Variants in DNAH11 observed in about 807,000 individuals in gnomAD.
DNAH11 encodes the protein dynein axonemal heavy chain 11, also known as axonemal beta dynein heavy chain 11.
A neutral mutation model predicts 526.0 loss-of-function variants in DNAH11; 442 were observed. The ratio of observed to expected loss-of-function variants is 0.84; its 90% CI spans 0.78 to 0.91. The LOEUF is 0.91. Ranked by LOEUF, DNAH11 falls within the 40% of genes least tolerant of loss-of-function variation. The probability of loss-of-function intolerance (pLI) is 0.00; values close to 1 mark genes in which losing one functional copy is unlikely to be tolerated. For missense variants in DNAH11, 6,989 were observed against 5,448.7 expected (o/e 1.28, Z -8.90); for synonymous variants, 2,461 against 1,935.9 (o/e 1.27, Z -7.12).
chr7:21,673,833 T>A (rs1782741618), intron 30 of DNAH11, among the ~76,000 whole-genome samples: 1 of 152,198 alleles, frequency 6.6e-6, no homozygotes, highest in Admixed American at 6.5e-5. Context: ...ACCACTTGAT[T>A]GAGTCTATTT....
intron 30 of DNAH11, among the ~76,000 whole-genome samples, chr7:21,666,154 G>C (rs896484132): frequency 3.9e-5 from 6 of 152,058 alleles, no homozygotes; most frequent in Admixed American, 3.9e-4. Context: ...AATAAACCAA[G>C]GTAATAATTT....
At chr7:21,775,905 A>T (rs537729541) in intron 56 of DNAH11, among the ~76,000 whole-genome samples, 1 of 152,168 alleles carries the variant, frequency 6.6e-6, no homozygotes, top group Non-Finnish European at 1.5e-5. Context: ...TTGTCACCCA[A>T]ACTGAGCTTT....
chr7:21,597,027 T>C (rs1292873690), intron 14 of DNAH11, among the ~76,000 whole-genome samples: 1 of 152,222 alleles, frequency 6.6e-6, no homozygotes, highest in Admixed American at 6.5e-5. Context: ...GAGTCAGTTC[T>C]GCCTTTTGCA....
chr7:21,608,907 T>C, intron 20 of DNAH11, among the ~76,000 whole-genome samples: 1 of 152,210 alleles, frequency 6.6e-6, no homozygotes, highest in Non-Finnish European at 1.5e-5. Flanking sequence ...CTTGAAGTCA[T>C]GTTCTTGGTG....
chr7:21,894,483 G>T (rs1024021742), intron 77 of DNAH11, 140 bp from the exon 78 acceptor site: 1 of 813,088 alleles, frequency 1.2e-6, no homozygotes, highest in South Asian at 1.9e-5. Flanking sequence ...GGGAGCCGTA[G>T]GCATCCTTCA....
chr7:21,788,663 A>G (rs756499782), intron 60 of DNAH11, among the ~76,000 whole-genome samples: 3 of 152,174 alleles, frequency 2.0e-5, no homozygotes, highest in Admixed American at 1.3e-4. Flanking sequence ...AACTTAGACA[A>G]GAAAGTGACA....
In DNAH11 at chr7:21,591,585, C is replaced by CT; in HGVS notation, c.2667+12dup. 6.6e-7 allele frequency: 1 copy of CT among 1,517,726 alleles called. No individual in the cohort carries two copies. The highest frequency in any genetic ancestry group is 1.4e-5 in the South Asian group (1 of 72,896). The allele number at this position is 1,517,726 out of a possible 1,614,324, so 94.0% of individuals were successfully genotyped here. On this transcript the variant is annotated intron_variant, in intron 14 of 81. Coordinates refer to ENST00000409508, the MANE Select transcript of DNAH11 (RefSeq NM_001277115.2). Reference sequence around the variant, plus strand: ...ATCCACAACTTGGTCGAGGTAATGGCTTTTAACCTTTCAAGATTTATAGAT... The same window carrying CT: ...ATCCACAACTTGGTCGAGGTAATGGCTTTTTAACCTTTCAAGATTTATAGAT...
chr7:21,792,975 G>A (rs548033896), intron 61 of DNAH11, among the ~76,000 whole-genome samples: 2 of 152,112 alleles, frequency 1.3e-5, no homozygotes, highest in South Asian at 4.2e-4. Flanking sequence ...TTTGTTATTT[G>A]AATGTTGTTT....
chr7:21,767,090 G>A (rs1277597740), intron 55 of DNAH11, among the ~76,000 whole-genome samples: 4 of 152,068 alleles, frequency 2.6e-5, no homozygotes, highest in Non-Finnish European at 4.4e-5. Flanking sequence ...CACAAATTTC[G>A]TATGTGATTG....
At chr7:21,753,021 C>T (rs751848063) in intron 54 of DNAH11, among the ~76,000 whole-genome samples, 10 of 152,076 alleles carry the variant, frequency 6.6e-5, no homozygotes, top group South Asian at 2.1e-4. Flanking sequence ...TAGAAGCAGT[C>T]GGAACTCAAA....
chr7:21,892,395 G>C, intron 76 of DNAH11, 30 bp from the exon 77 acceptor site: 1 of 1,586,538 alleles, frequency 6.3e-7, no homozygotes. Context: ...CCTACATTTG[G>C]AATAACTGAC....
At chr7:21,869,166 C>T (rs907689187) in intron 73 of DNAH11, among the ~76,000 whole-genome samples, 175 bp downstream of exon 73, 1 of 152,204 alleles carries the variant, frequency 6.6e-6, no homozygotes, top group Non-Finnish European at 1.5e-5. Flanking sequence ...GCTCTGCGGA[C>T]AGCGATGGCT....
chr7:21,866,656 G>A lies in DNAH11; in HGVS notation c.11683G>A (p.Ala3895Thr), dbSNP rs1203128467. Residue 3895 changes from alanine to threonine, a missense_variant, in exon 71 of 82, where the codon GCT becomes ACT. Coordinates refer to ENST00000409508, the MANE Select transcript of DNAH11 (RefSeq NM_001277115.2). ...AATGCGCCCTGACAGAATGACGTAT[G>A]CTCTCAGGTGGGGTGGTCAGCATTT... is the stretch of plus-strand genomic sequence containing the variant. Reference protein sequence around the residue: ...RAMRPDRMTYALRNFVEEKLG... With the variant: ...RAMRPDRMTYTLRNFVEEKLG... 1.2e-5 allele frequency: 19 copies of A among 1,610,584 alleles called. No individual in the cohort carries two copies. The highest frequency in any genetic ancestry group is 1.5e-5 in the Non-Finnish European group (18 of 1,178,358).
intron 23 of DNAH11, among the ~76,000 whole-genome samples, 190 bp from the exon 24 acceptor site, chr7:21,618,910 G>A (rs185045823): frequency 3.3e-4 from 50 of 152,258 alleles, no homozygotes; most frequent in Admixed American, 2.2e-3. Flanking sequence ...CCTTGCTTCC[G>A]GCAGGTGACG....
At chr7:21,690,348 A>G (rs1033253268) in intron 34 of DNAH11, among the ~76,000 whole-genome samples, 2 of 152,038 alleles carry the variant, frequency 1.3e-5, no homozygotes, top group Non-Finnish European at 2.9e-5. Flanking sequence ...GAAGAAATAG[A>G]CAAAACTTAA....
Position 21,588,483 on chromosome 7 carries a change from T to C in DNAH11, c.1849-29T>C, listed in dbSNP as rs377675951. The C allele has an allele frequency of 1.7e-3, 2,716 of 1,611,556 alleles. 2 individuals carry two copies. Among genetic ancestry groups the C allele is most frequent in the Non-Finnish European group, 2.2e-3 (2,604 of 1,178,512 alleles). On this transcript the variant is annotated intron_variant, in intron 10 of 81. Coordinates refer to ENST00000409508, the MANE Select transcript of DNAH11 (RefSeq NM_001277115.2). Reference sequence around the variant, plus strand: ...CCATTCTGACTAAATGTTCCCTTTCTTCCTCTTCACCAAAATATCAACTTG... The same window carrying C: ...CCATTCTGACTAAATGTTCCCTTTCCTCCTCTTCACCAAAATATCAACTTG...
chr7:21,663,598 T>G (rs957629418), intron 30 of DNAH11, among the ~76,000 whole-genome samples: 1 of 152,138 alleles, frequency 6.6e-6, no homozygotes, highest in African/African-American at 2.4e-5. Flanking sequence ...TCAGATGTCC[T>G]TTGGTTTTTG....
At chr7:21,737,341 C>G (rs1355253288) in intron 46 of DNAH11, among the ~76,000 whole-genome samples, 3 of 152,136 alleles carry the variant, frequency 2.0e-5, no homozygotes, top group African/African-American at 7.2e-5. Context: ...ACCAAAAGAC[C>G]AAAGTGTTTT....
chr7:21,747,175 G>A (rs1200672205), intron 51 of DNAH11, among the ~76,000 whole-genome samples: 1 of 152,068 alleles, frequency 6.6e-6, no homozygotes, highest in Non-Finnish European at 1.5e-5. Flanking sequence ...TATAGCTTGG[G>A]GTATCTCTCA....
Sources: gnomAD v4.1 joint callset for allele counts (sites outside exome capture counted in the v4.1 genomes callset) on GRCh38, gnomAD v4.1.1 for gene constraint, MANE v1.5 for transcripts, NCBI Gene and HGNC (gene_info 2026-07-23, HGNC 2026-07-21) for gene names.